Variants in SBF2 observed in about 807,000 individuals in gnomAD.
The protein encoded by SBF2 is SET binding factor 2.
SBF2 carries 112 observed loss-of-function variants against 225.2 expected under a neutral mutation model. The observed-to-expected ratio is 0.50, with a 90% CI of 0.43 to 0.58. The LOEUF (loss-of-function observed/expected upper bound fraction) is 0.58. Among genes scored for constraint, SBF2 ranks in the 20% least tolerant of loss-of-function variants. SBF2 has a pLI of 0.00. For synonymous variants in SBF2, 763 were observed against 773.3 expected (o/e 0.99, Z 0.22); for missense variants, 1,996 against 2,206.2 (o/e 0.90, Z 1.91).
At chr11:10,026,842 A>G (rs1949075679) in intron 6 of SBF2, among the ~76,000 whole-genome samples, 1 of 152,190 alleles carries the variant, frequency 6.6e-6, no homozygotes, top group African/African-American at 2.4e-5. Flanking sequence ...TGTACGTCAT[A>G]TTAGATAGAT....
chr11:9,938,163 C>T (rs925569926), intron 16 of SBF2, among the ~76,000 whole-genome samples: 14 of 151,866 alleles, frequency 9.2e-5, no homozygotes, highest in East Asian at 1.9e-4. Flanking sequence ...TGGTGGCGGG[C>T]GCCTCTAGTC....
intron 2 of SBF2, among the ~76,000 whole-genome samples, chr11:10,158,669 T>A (rs1955584188): frequency 6.6e-6 from 1 of 151,986 alleles, no homozygotes; most frequent in Admixed American, 6.6e-5. Context: ...GGAGACTGAA[T>A]CATACAGATC....
chr11:9,780,619 C>T, intron 39 of SBF2, 103 bp from the exon 40 acceptor site: 1 of 879,296 alleles, frequency 1.1e-6, no homozygotes, highest in South Asian at 1.4e-5. Flanking sequence ...TTCCATACTG[C>T]CCCAGAACGT....
chr11:10,238,322 C>T (rs1959161809), intron 1 of SBF2, among the ~76,000 whole-genome samples: 1 of 151,484 alleles, frequency 6.6e-6, no homozygotes, highest in South Asian at 2.1e-4. Context: ...GGTGGGAGGA[C>T]TGCCTGAGCC....
intron 28 of SBF2, chr11:9,828,016 A>T: frequency 3.5e-6 from 2 of 576,462 alleles, no homozygotes; most frequent in Non-Finnish European, 2.6e-6. Flanking sequence ...GAGGGTAATT[A>T]AGAACAATTT....
intron 2 of SBF2, among the ~76,000 whole-genome samples, chr11:10,054,264 G>A (rs1266410063): frequency 6.6e-6 from 1 of 152,124 alleles, no homozygotes. Context: ...TCTGCCTAGA[G>A]AATACATACA....
At chr11:9,800,334 T>A (rs1428777737) in intron 32 of SBF2, among the ~76,000 whole-genome samples, 1 of 152,198 alleles carries the variant, frequency 6.6e-6, no homozygotes, top group African/African-American at 2.4e-5. Flanking sequence ...TTACACATAT[T>A]TTCTCCCACT....
chr11:9,866,344 T>C (rs1034234580), intron 17 of SBF2, among the ~76,000 whole-genome samples: 13 of 152,104 alleles, frequency 8.5e-5, no homozygotes, highest in South Asian at 4.1e-4. Context: ...AAGGCTATAG[T>C]AGCCAAAACA....
At chr11:9,810,378 T>C (rs1307466148) in intron 30 of SBF2, 4 of 152,212 alleles carry the variant, frequency 2.6e-5, no homozygotes, top group African/African-American at 9.6e-5. Context: ...GCCACATCAA[T>C]TGGCTCAAAG....
chr11:10,194,098 G>A (rs763628639), intron 1 of SBF2, 111 bp from the exon 2 acceptor site: 15 of 806,190 alleles, frequency 1.9e-5, no homozygotes, highest in South Asian at 8.8e-5. Context: ...TTAATAAACT[G>A]ATTAAACATT....
At chr11:10,174,796 G>C (rs2135262318) in intron 2 of SBF2, among the ~76,000 whole-genome samples, 1 of 152,212 alleles carries the variant, frequency 6.6e-6, no homozygotes, top group African/African-American at 2.4e-5. Flanking sequence ...AAGCCCATCA[G>C]ACTAACAGCG....
At chr11:10,176,995 G>A (rs1169520106) in intron 2 of SBF2, among the ~76,000 whole-genome samples, 1 of 151,912 alleles carries the variant, frequency 6.6e-6, no homozygotes, top group Non-Finnish European at 1.5e-5. Context: ...TATCCACCAT[G>A]ATCAAGTGGG....
chr11:10,097,804 C>A (rs1004099766), intron 2 of SBF2, among the ~76,000 whole-genome samples: 3 of 152,134 alleles, frequency 2.0e-5, no homozygotes, highest in Non-Finnish European at 4.4e-5. Context: ...CAAGAGAGAT[C>A]CAATCAGCCT....
At chr11:10,203,024 G>T (rs2135359525) in intron 1 of SBF2, among the ~76,000 whole-genome samples, 1 of 150,730 alleles carries the variant, frequency 6.6e-6, no homozygotes, top group South Asian at 2.1e-4. Context: ...GAGTTTCCAT[G>T]CAGGATCTAG....
At chr11:9,798,097 GT>G (rs373148315) in intron 32 of SBF2, among the ~76,000 whole-genome samples, 147 of 152,274 alleles carry the variant, frequency 9.7e-4, no homozygotes, top group African/African-American at 3.1e-3. Context: ...TTATTTCCTT[GT>G]TTTGTTAGCC....
At chr11:10,128,076 T>C (rs1249621803) in intron 2 of SBF2, among the ~76,000 whole-genome samples, 1 of 152,236 alleles carries the variant, frequency 6.6e-6, no homozygotes, top group East Asian at 1.9e-4. Flanking sequence ...TGTCTGATAC[T>C]ATTTAGCCTA....
At chr11:10,096,569 A>T (rs779199432) in intron 2 of SBF2, among the ~76,000 whole-genome samples, 36 of 152,124 alleles carry the variant, frequency 2.4e-4, no homozygotes, top group Non-Finnish European at 4.9e-4. Flanking sequence ...ACAATACTTT[A>T]AAAAAGCCTT....
At chr11:10,248,372 T>C (rs1018342774) in intron 1 of SBF2, among the ~76,000 whole-genome samples, 1 of 152,206 alleles carries the variant, frequency 6.6e-6, no homozygotes, top group Admixed American at 6.5e-5. Context: ...TAAAGGTGAT[T>C]AGGCCTCTTA....
At chr11:9,904,064 C>T (rs1352936009) in intron 16 of SBF2, among the ~76,000 whole-genome samples, 1 of 152,086 alleles carries the variant, frequency 6.6e-6, no homozygotes, top group Non-Finnish European at 1.5e-5. Context: ...TGGGGGACAG[C>T]TTTCTCCTGC....
Sources: gnomAD v4.1 joint callset for allele counts (sites outside exome capture counted in the v4.1 genomes callset) on GRCh38, gnomAD v4.1.1 for gene constraint, MANE v1.5 for transcripts, NCBI Gene and HGNC (gene_info 2026-07-23, HGNC 2026-07-21) for gene names.